The following TRPA1 variants were observed in gnomAD, a reference collection of about 807,000 sequenced individuals.
The protein encoded by TRPA1 is transient receptor potential cation channel subfamily A member 1, also known as ankyrin-like with transmembrane domains 1.
In TRPA1, 129 loss-of-function variants were observed where a neutral mutation model predicts 131.3. The ratio of observed to expected loss-of-function variants is 0.98; its 90% CI spans 0.85 to 1.14. The LOEUF (loss-of-function observed/expected upper bound fraction) is 1.14, where lower values mean the gene tolerates loss of function less well. TRPA1 is among the 50% of genes most tolerant of loss of function. The pLI is 0.00. For missense variants in TRPA1, 1,304 were observed against 1,354.2 expected, an observed-to-expected ratio of 0.96 and a Z score of 0.58; for synonymous variants, 441 against 451.7, an observed-to-expected ratio of 0.98 and a Z score of 0.30.
chr8:72,055,303 T>C (rs1805634137), intron 12 of TRPA1, 133 bp downstream of exon 12: 1 of 750,000 alleles, frequency 1.3e-6, no homozygotes. Flanking sequence ...TATGTTTTGA[T>C]GAAAAAATAA....
At chr8:72,053,267 C>T (rs796338216) in intron 13 of TRPA1, 67 of 199,956 alleles carry the variant, frequency 3.4e-4, no homozygotes, top group African/African-American at 1.4e-3. Context: ...TTAGTTTCTC[C>T]ACTTAAAGAC....
intron 20 of TRPA1, 104 bp from the exon 21 acceptor site, chr8:72,036,561 G>C (rs1812059203): frequency 8.9e-7 from 1 of 1,124,858 alleles, no homozygotes; most frequent in Admixed American, 2.1e-5. Flanking sequence ...TTTGCAGCCA[G>C]CTGGGGAGAA....
intron 15 of TRPA1, 60 bp from the exon 16 acceptor site, chr8:72,047,267 T>C: frequency 1.6e-6 from 2 of 1,241,640 alleles, no homozygotes; most frequent in Non-Finnish European, 2.4e-6. Context: ...TAGGAAAGAT[T>C]TTATCCTATT....
chr8:72,049,208 C>T (rs1805430969), intron 15 of TRPA1, among the ~76,000 whole-genome samples: 1 of 152,084 alleles, frequency 6.6e-6, no homozygotes, highest in African/African-American at 2.4e-5. Context: ...ACATAAGCAG[C>T]ACAAAAATAG....
chr8:72,080,648 ATT>A, the TRPA1 span, among the ~76,000 whole-genome samples: 1,661 of 151,566 alleles, frequency 0.011, 32 homozygotes, highest in African/African-American at 0.038. Flanking sequence ...TATTGGTATT[ATT>A]TTTTTTAAAG....
intron 1 of TRPA1, 147 bp from the exon 2 acceptor site, chr8:72,072,014 T>C (rs1183586529): frequency 5.4e-6 from 4 of 742,280 alleles, no homozygotes; most frequent in Non-Finnish European, 6.5e-6. Context: ...ATACACAAAA[T>C]GTTTACGGAC....
Position 72,025,158 on chromosome 8 carries a change from G to A in TRPA1, c.3051+802C>T, listed in dbSNP as rs141148097. Among the ~76,000 whole-genome samples the A allele has an allele frequency of 3.9e-3, 588 of 151,554 alleles. 1 individual carries two copies. Among genetic ancestry groups the A allele is most frequent in the African/African-American group, 0.014 (563 of 41,260 alleles). ...TGTGCGTGCTATGTTTAGGCTTTGT[G>A]TCCCCACCCAAATCTCATCTTGCAT... On this transcript the variant is annotated intron_variant, in intron 25 of 26. Transcript: ENST00000262209.
intron 7 of TRPA1, among the ~76,000 whole-genome samples, chr8:72,061,303 G>A (rs549659739): frequency 6.6e-6 from 1 of 152,188 alleles, no homozygotes; most frequent in Admixed American, 6.5e-5. Context: ...ATGAGAAATT[G>A]GAACAGATTA....
At chr8:72,076,618 C>G (rs1203808387), upstream of TRPA1, 2 of 152,334 alleles carry the variant, frequency 1.3e-5, no homozygotes, top group Non-Finnish European at 2.9e-5. Flanking sequence ...CATAGGTGCA[C>G]TCAGCAACGG....
intron 4 of TRPA1, 29 bp downstream of exon 4, chr8:72,065,422 A>G (rs1805907183): frequency 6.6e-7 from 1 of 1,513,648 alleles, no homozygotes; most frequent in African/African-American, 1.4e-5. Context: ...AAGATAAAGA[A>G]AGCAGACAGA....
At chr8:72,037,255 G>A (rs1384850267) in intron 20 of TRPA1, among the ~76,000 whole-genome samples, 1 of 152,048 alleles carries the variant, frequency 6.6e-6, no homozygotes, top group Non-Finnish European at 1.5e-5. Flanking sequence ...GTGCTTACGT[G>A]ATGCAACAAA....
At chr8:72,065,389 AT>A in intron 4 of TRPA1, 61 bp downstream of exon 4, 1 of 1,298,434 alleles carries the variant, frequency 7.7e-7, no homozygotes, top group Non-Finnish European at 1.1e-6. Context: ...GTAAATAATA[AT>A]AATCCATGTT....
upstream of TRPA1, among the ~76,000 whole-genome samples, chr8:72,075,798 G>A (rs1806168603): frequency 6.6e-6 from 1 of 151,834 alleles, no homozygotes; most frequent in South Asian, 2.1e-4. Flanking sequence ...GGGGTGGATT[G>A]CAGAGAATTT....
At chr8:72,061,300 A>G (rs1426257645) in intron 7 of TRPA1, among the ~76,000 whole-genome samples, 1 of 152,178 alleles carries the variant, frequency 6.6e-6, no homozygotes, top group Non-Finnish European at 1.5e-5. Context: ...AATATGAGAA[A>G]TTGGAACAGA....
chr8:72,037,489 T>C (rs912147773), intron 20 of TRPA1, among the ~76,000 whole-genome samples: 2 of 152,084 alleles, frequency 1.3e-5, no homozygotes, highest in African/African-American at 4.8e-5. Context: ...GAATATAAAG[T>C]AAAAATTTTG....
chr8:72,027,218 T>C (rs1213815228), intron 24 of TRPA1, among the ~76,000 whole-genome samples: 3 of 152,184 alleles, frequency 2.0e-5, no homozygotes, highest in Non-Finnish European at 2.9e-5. Context: ...GCTCAATGTT[T>C]GCCAACAGAT....
Position 72,038,142 on chromosome 8 carries a change from A to G in TRPA1, c.2296-70T>C. The G allele has an allele frequency of 6.0e-6, 5 of 829,258 alleles. No homozygotes were observed. In the South Asian group the frequency reaches 8.1e-5, roughly 13 times the overall value. The allele number at this position is 829,258 out of a possible 1,614,324, so 51.4% of individuals were successfully genotyped here. On this transcript the variant is annotated intron_variant, in intron 19 of 26. Transcript: ENST00000262209. The stretch of plus-strand genomic sequence containing the variant: ...ACACTTTAACATTTCCATAATTTTC[A>G]CTATTAAATTTCTTTTTTCTTTTTT...
intron 4 of TRPA1, 64 bp from the exon 5 acceptor site, chr8:72,063,635 A>C (rs1304243379): frequency 5.9e-6 from 6 of 1,015,520 alleles, no homozygotes; most frequent in Non-Finnish European, 9.3e-6. Flanking sequence ...GGTGGATGAG[A>C]ATTTATGTGC....
the TRPA1 span, among the ~76,000 whole-genome samples, chr8:72,085,013 A>T: frequency 6.6e-6 from 1 of 152,150 alleles, no homozygotes; most frequent in Admixed American, 6.6e-5. Context: ...GCATGCTTTT[A>T]AAAGTTATTT....
Sources: gnomAD v4.1 joint callset for allele counts (sites outside exome capture counted in the v4.1 genomes callset) on GRCh38, gnomAD v4.1.1 for gene constraint, MANE v1.5 for transcripts, NCBI Gene and HGNC (gene_info 2026-07-23, HGNC 2026-07-21) for gene names.